Variants in NEB observed in about 807,000 individuals in gnomAD.
NEB encodes the protein nemaline myopathy type 2.
Under a neutral mutation model 952.2 loss-of-function variants are expected in NEB, and 512 were observed. The ratio of observed to expected loss-of-function variants is 0.54; its 90% CI spans 0.50 to 0.58. The LOEUF (loss-of-function observed/expected upper bound fraction) is 0.58, where lower values mean the gene tolerates loss of function less well. NEB is among the 20% of genes least tolerant of loss of function. The pLI is 0.00. For missense variants in NEB, 8,428 were observed against 9,231.1 expected (o/e 0.91, Z 3.56); for synonymous variants, 2,900 against 3,149.8 (o/e 0.92, Z 2.66).
intron 13 of NEB, 140 bp downstream of exon 13, chr2:151,706,741 G>A (rs2149861275): frequency 1.5e-6 from 1 of 654,548 alleles, no homozygotes; most frequent in Non-Finnish European, 2.7e-6. Context: ...CCTTTCTGTG[G>A]TTACATAGTT....
chr2:151,697,687 T>C (rs2099606074), intron 13 of NEB, 39 bp from the exon 14 acceptor site: 1 of 1,302,716 alleles, frequency 7.7e-7, no homozygotes, highest in South Asian at 1.3e-5. Context: ...TAGATTCCTG[T>C]CACTCCCACG....
At position 151,514,421 on chromosome 2, in the gene NEB, T is replaced by A. The variant is rs1284363805; in HGVS notation, c.23024A>T (p.Tyr7675Phe). ...YATKIASEKE[Y>F]RKDLEESIRG... ...GATGCTTTCCTCTAGATCTTTCCTGTACTCTTTCTATATCATGAAAGAAAA... is the reference window on the plus strand; with the variant it reads ...GATGCTTTCCTCTAGATCTTTCCTGAACTCTTTCTATATCATGAAAGAAAA... The change falls in exon 159 of 182, where the codon TAC becomes TTC. Residue 7675 changes from tyrosine (Y) to phenylalanine (F), a missense_variant. By Grantham distance (22) the Tyr-to-Phe change is conservative. Transcript: ENST00000397345. The A allele has an allele frequency of 1.2e-6, 2 of 1,606,098 alleles. No homozygotes were observed. Among genetic ancestry groups the A allele is most frequent in the Non-Finnish European group, 1.7e-6 (2 of 1,172,844 alleles).
intron 52 of NEB, 110 bp from the exon 53 acceptor site, chr2:151,650,995 C>T: frequency 8.9e-7 from 1 of 1,119,762 alleles, no homozygotes; most frequent in Non-Finnish European, 1.2e-6. Flanking sequence ...GTCTATGTTT[C>T]CCAGGCTGGT....
In NEB at chr2:151,627,720, T is replaced by G; in HGVS notation, c.9946A>C (p.Arg3316=). 1 of 1,614,006 alleles carries G rather than the reference T, an allele frequency of 6.2e-7. No individual in the cohort carries two copies. The highest frequency in any genetic ancestry group is 8.5e-7 in the Non-Finnish European group (1 of 1,179,882). ...SMHVAKIQSD[R]EYKKDFEKWK... Reference sequence around the variant, plus strand: ...TTCTCAAAGTCCTTCTTATACTCCCTGTCACTCTGGATCTTGGCCACATGC... The same window carrying G: ...TTCTCAAAGTCCTTCTTATACTCCCGGTCACTCTGGATCTTGGCCACATGC... The change falls in exon 69 of 182, where the codon AGG becomes CGG. Residue 3316 remains arginine, a synonymous_variant. Transcript: ENST00000397345.
rs2153458512 is a variant in NEB at position 151,526,910 on chromosome 2, G to A, written c.21945+8C>T. ...GGTTAGGCATCATGGAAGGAACTAG[G>A]TACTTACATCACTTTCTATTAAAGT... On this transcript the variant is annotated splice_region_variant and intron_variant, in intron 148 of 181. Coordinates refer to ENST00000397345, the MANE Select transcript of NEB (RefSeq NM_001164508.2). 6.4e-7 allele frequency: 1 copy of A among 1,558,244 alleles called. No homozygotes were observed. Among genetic ancestry groups the A allele is most frequent in the South Asian group, 1.2e-5 (1 of 85,976 alleles).
intron 5 of NEB, among the ~76,000 whole-genome samples, chr2:151,727,076 C>G (rs2099793751): frequency 6.6e-6 from 1 of 150,446 alleles, no homozygotes; most frequent in Admixed American, 6.6e-5. Flanking sequence ...AAAAACCTTT[C>G]TGCACAGTCC....
At chr2:151,670,458 A>G (rs2099272152) in intron 38 of NEB, among the ~76,000 whole-genome samples, 1 of 152,004 alleles carries the variant, frequency 6.6e-6, no homozygotes, top group Non-Finnish European at 1.5e-5. Context: ...AGACATACAG[A>G]CGTGTCTCAG....
At position 151,497,625 on chromosome 2, in the gene NEB, C is replaced by T. The variant is rs1366853918; in HGVS notation, c.24300+1G>A. 6.4e-7 allele frequency: 1 copy of T among 1,568,862 alleles called. No homozygotes were observed. The highest frequency in any genetic ancestry group is 1.4e-5 in the African/African-American group (1 of 73,988). Reference sequence around the variant, plus strand: ...GTTTTTTTCTTTTCTTGCCAAAGTACCGAGCTAATATTTTCTTGATTGTGT... The same window carrying T: ...GTTTTTTTCTTTTCTTGCCAAAGTATCGAGCTAATATTTTCTTGATTGTGT... On this transcript the variant is annotated splice_donor_variant, in intron 171 of 181. Transcript: ENST00000397345. LOFTEE classifies it high-confidence loss of function.
At chr2:151,498,458 G>GGAA in intron 169 of NEB, 106 bp from the exon 170 acceptor site, 1 of 737,630 alleles carries the variant, frequency 1.4e-6, no homozygotes, top group African/African-American at 1.8e-5. Context: ...GTAAGTTAGA[G>GGAA]GAAGAGAAAT....
chr2:151,677,681 C>T lies in NEB; in HGVS notation c.3658G>A (p.Gly1220Ser), dbSNP rs1320792762. 12 of 1,613,880 alleles carry T rather than the reference C, an allele frequency of 7.4e-6. No homozygotes were observed. The highest frequency in any genetic ancestry group is 3.3e-5 in the Admixed American group (2 of 60,010). ...TACTTCTTTTCATTCAGAGCATCACCGGCCTTTTTAACTTTTTCGACGTCG... is the reference window on the plus strand; with the variant it reads ...TACTTCTTTTCATTCAGAGCATCACTGGCCTTTTTAACTTTTTCGACGTCG... ...SLDVEKVKKA[G>S]DALNEKKYRQ... Residue 1220 changes from glycine to serine, a missense_variant, in exon 34 of 182, where the codon GGT becomes AGT. Around this residue, in one of 11 missense-constraint regions of NEB, gnomAD observed 2,851 missense variants for 2,791.5 expected, o/e 1.02. Coordinates refer to ENST00000397345, the MANE Select transcript of NEB (RefSeq NM_001164508.2).
chr2:151,531,161 T>C, intron 144 of NEB, 60 bp from the exon 145 acceptor site: 1 of 1,139,806 alleles, frequency 8.8e-7, no homozygotes. Context: ...AATATCAAAA[T>C]ATAAATGCAA....
intron 119 of NEB, 136 bp downstream of exon 119, chr2:151,563,470 T>G (rs970641322): frequency 4.1e-6 from 3 of 739,958 alleles, no homozygotes; most frequent in Middle Eastern, 2.6e-4. Flanking sequence ...CTTGGAGGGG[T>G]GAGGAAAATC....
At position 151,677,600 on chromosome 2, in the gene NEB, C is replaced by T. The variant is rs974414435; in HGVS notation, c.3739G>A (p.Val1247Ile). The T allele has an allele frequency of 3.7e-6, 6 of 1,613,774 alleles. No homozygotes were observed. The highest frequency in any genetic ancestry group is 2.7e-5 in the African/African-American group (2 of 74,902). Residue 1247 changes from valine to isoleucine, a missense_variant, in exon 34 of 182, where the codon GTC (valine) becomes ATC (isoleucine). Val to Ile is a conservative substitution (Grantham distance 29). Transcript: ENST00000397345. ...TGCTTCGTGTTCTGTTTTGCCTGGA[C>T]CATAACTGGGGAGTCCACAATGCTG... ...FTSIVDSPVM[V>I]QAKQNTKQVS...
intron 11 of NEB, among the ~76,000 whole-genome samples, 199 bp downstream of exon 11, chr2:151,710,235 T>C (rs562928562): frequency 9.2e-5 from 14 of 152,356 alleles, no homozygotes; most frequent in African/African-American, 3.1e-4. Flanking sequence ...TAATGGCATG[T>C]GGCCAAAATA....
chr2:151,705,456 C>T (rs2099701627), intron 13 of NEB, among the ~76,000 whole-genome samples: 2 of 152,118 alleles, frequency 1.3e-5, no homozygotes, highest in Non-Finnish European at 2.9e-5. Context: ...CTGCTTCAAA[C>T]TGCTTTTACA....
chr2:151,659,582 T>G (rs1208467205), intron 46 of NEB, among the ~76,000 whole-genome samples: 1 of 152,170 alleles, frequency 6.6e-6, no homozygotes, highest in Non-Finnish European at 1.5e-5. Flanking sequence ...ATTACAGGCA[T>G]GAGCCACTGC....
At chr2:151,573,938 T>C (rs948987659) in intron 107 of NEB, among the ~76,000 whole-genome samples, 1 of 152,146 alleles carries the variant, frequency 6.6e-6, no homozygotes, top group African/African-American at 2.4e-5. Context: ...GGCCTCTTTC[T>C]TTCCAATATT....
chr2:151,669,220 T>C, intron 38 of NEB, 89 bp from the exon 39 acceptor site: 1 of 927,990 alleles, frequency 1.1e-6, no homozygotes. Context: ...CGGAAGGCTA[T>C]CATTTGTGTT....
At chr2:151,562,557 A>T (rs1349880494) in intron 120 of NEB, 54 bp downstream of exon 120, 4 of 1,469,562 alleles carry the variant, frequency 2.7e-6, no homozygotes, top group Non-Finnish European at 3.7e-6. Flanking sequence ...GGGGGTAGCC[A>T]AGACACAGTC....
Sources: allele counts gnomAD v4.1 joint callset (sites outside exome capture counted in the v4.1 genomes callset), GRCh38; gene constraint gnomAD v4.1.1; regional missense constraint gnomAD v4.1.1; transcripts MANE v1.5; gene names NCBI Gene and HGNC (gene_info 2026-07-23, HGNC 2026-07-21).